Variants in ANKRD13A observed in about 807,000 individuals in gnomAD.
ANKRD13A encodes ankyrin repeat domain-containing protein 13A.
ANKRD13A carries 48 observed loss-of-function variants against 81.3 expected under a neutral mutation model. The observed-to-expected ratio is 0.59, with a 90% CI of 0.47 to 0.75. ANKRD13A has a LOEUF of 0.75. ANKRD13A is among the 30% of genes least tolerant of loss of function. The pLI is 0.00. For missense variants in ANKRD13A, 612 were observed against 734.0 expected (o/e 0.83, Z 1.92); for synonymous variants, 230 against 270.1 (o/e 0.85, Z 1.45).
At chr12:110,022,610 CT>C (rs1891139119) in intron 6 of ANKRD13A, 1 of 152,264 alleles carries the variant, frequency 6.6e-6, no homozygotes, top group South Asian at 2.1e-4. Flanking sequence ...ACGTAATCAT[CT>C]TTCCATCCAT....
intron 13 of ANKRD13A, 141 bp downstream of exon 13, chr12:110,034,098 T>A: frequency 1.1e-6 from 1 of 874,916 alleles, no homozygotes; most frequent in Non-Finnish European, 1.6e-6. Flanking sequence ...TTATACTTTG[T>A]GCATCTGGTC....
chr12:110,015,725 A>T (rs1212690606), intron 3 of ANKRD13A, among the ~76,000 whole-genome samples: 1 of 151,614 alleles, frequency 6.6e-6, no homozygotes, highest in African/African-American at 2.4e-5. Context: ...TTTTGTATTT[A>T]TAGTGGAGAT....
intron 1 of ANKRD13A, among the ~76,000 whole-genome samples, chr12:110,003,430 C>T (rs1178465054): frequency 6.6e-6 from 1 of 152,190 alleles, no homozygotes; most frequent in Non-Finnish European, 1.5e-5. Context: ...CCCCCTTGGT[C>T]ATCGGGGGTT....
intron 1 of ANKRD13A, among the ~76,000 whole-genome samples, chr12:110,010,539 C>T (rs747378598): frequency 2.0e-5 from 3 of 152,132 alleles, no homozygotes; most frequent in Non-Finnish European, 2.9e-5. Context: ...AATTCTCCAT[C>T]TCTTTGGTGC....
At chr12:110,008,874 G>A (rs553716623) in intron 1 of ANKRD13A, among the ~76,000 whole-genome samples, 1 of 152,204 alleles carries the variant, frequency 6.6e-6, no homozygotes, top group South Asian at 2.1e-4. Context: ...GACAGAGCGA[G>A]ACTCAGTCTG....
At chr12:110,021,425 C>CTTTTTTTTTTTTTTTTTTTTTT (rs59262099) in intron 6 of ANKRD13A, 1 of 129,928 alleles carries the variant, frequency 7.7e-6, no homozygotes, top group South Asian at 1.9e-4. Context: ...TTTTTTCTTT[C>CTTTTTTTTTTTTTTTTTTTTTT]TTTTTTTTTT....
At chr12:110,016,483 C>A (rs967798933) in intron 4 of ANKRD13A, 50 bp downstream of exon 4, 3 of 1,499,484 alleles carry the variant, frequency 2.0e-6, no homozygotes, top group Non-Finnish European at 1.8e-6. Context: ...ATTTACTTAG[C>A]CCGCATGTAG....
chr12:110,038,236 T>C lies in ANKRD13A; in HGVS notation c.*682T>C, dbSNP rs1892183049. The C allele has an allele frequency of 6.6e-6, 1 of 152,662 alleles. No individual in the cohort carries two copies. The highest frequency in any genetic ancestry group is 2.4e-5 in the African/African-American group (1 of 41,452). The allele number at this position is 152,662 out of a possible 1,614,324, so 9.5% of individuals were successfully genotyped here. On this transcript the variant is annotated 3_prime_UTR_variant, in exon 15 of 15. Transcript: ENST00000261739. ...TTGCCTTAGCCTTAAACATTACTAA[T>C]AGTTTCACATCACCTCACTGCACGC...
intron 9 of ANKRD13A, chr12:110,028,116 A>G (rs1022552416): frequency 5.0e-5 from 17 of 342,638 alleles, no homozygotes; most frequent in African/African-American, 3.2e-4. Context: ...CACAGTAACT[A>G]TATGAACTTG....
At position 110,028,492 on chromosome 12, in the gene ANKRD13A, C is replaced by T. The variant is rs1891472704; in HGVS notation, c.946-20C>T. 3.1e-6 allele frequency: 5 copies of T among 1,613,628 alleles called. No homozygotes were observed. Among genetic ancestry groups the T allele is most frequent in the Non-Finnish European group, 4.2e-6 (5 of 1,179,718 alleles). The stretch of plus-strand genomic sequence containing the variant: ...AACATCATTTGGCATTTCTGACTCT[C>T]CTGAGTTCTGGCTCAGCAGGACCTC... On this transcript the variant is annotated intron_variant, in intron 9 of 14. Coordinates refer to ENST00000261739, the MANE Select transcript of ANKRD13A (RefSeq NM_033121.2).
chr12:110,004,314 C>G (rs536456011), intron 1 of ANKRD13A, among the ~76,000 whole-genome samples: 1 of 152,138 alleles, frequency 6.6e-6, no homozygotes, highest in South Asian at 2.1e-4. Context: ...CCTAAATGAT[C>G]AGTTTCGAAA....
intron 6 of ANKRD13A, 31 bp from the exon 7 acceptor site, chr12:110,024,015 G>A (rs781317410): frequency 1.9e-6 from 3 of 1,602,070 alleles, no homozygotes; most frequent in Non-Finnish European, 2.6e-6. Flanking sequence ...TATTGTACAT[G>A]TAGAAATTTG....
rs1891552988 is a variant in ANKRD13A, at chr12:110,029,503, G to T, written c.1102G>T (p.Glu368Ter). The change falls in exon 11 of 15, where the codon GAA becomes TAA. Residue 368 changes from glutamate to a stop codon, truncating the protein, a stop_gained. Transcript: ENST00000261739. LOFTEE classifies it high-confidence loss of function. ...GTTTAAAGCAATGTTGTGGATGTGT[G>T]AAGAGTTTCCCCTCTCTCTGGTGGA... is the stretch of plus-strand genomic sequence containing the variant. Reference protein sequence around the residue: ...QKFKAMLWMCEEFPLSLVEQV... With the variant: ...QKFKAMLWMC 6.2e-7 allele frequency: 1 copy of T among 1,613,578 alleles called. No individual in the cohort carries two copies. The highest frequency in any genetic ancestry group is 1.7e-5 in the Admixed American group (1 of 59,990).
At chr12:110,012,942 G>T (rs1452632705) in intron 2 of ANKRD13A, among the ~76,000 whole-genome samples, 183 bp from the exon 3 acceptor site, 2 of 152,092 alleles carry the variant, frequency 1.3e-5, no homozygotes, top group African/African-American at 2.4e-5. Flanking sequence ...GGTGCTAAGG[G>T]TACTCTATGT....
At chr12:110,034,333 G>A (rs750378957) in intron 13 of ANKRD13A, among the ~76,000 whole-genome samples, 3 of 152,082 alleles carry the variant, frequency 2.0e-5, no homozygotes, top group Non-Finnish European at 2.9e-5. Context: ...GTAGTGAAGT[G>A]GATTTGAATC....
chr12:110,028,771 T>G (rs1341248278), intron 10 of ANKRD13A, 129 bp downstream of exon 10: 1 of 1,316,338 alleles, frequency 7.6e-7, no homozygotes. Context: ...GGAGTCTCGC[T>G]CTGTCGCCTA....
Position 110,018,581 on chromosome 12 carries a change from T to C in ANKRD13A, c.544+93T>C, listed in dbSNP as rs1890914619. On this transcript the variant is annotated intron_variant, in intron 5 of 14. Coordinates refer to ENST00000261739, the MANE Select transcript of ANKRD13A (RefSeq NM_033121.2). The surrounding 1 kb of genome is among the most constrained non-coding windows in gnomAD (Gnocchi z 4.4). ...TGCTTTCACATTCATGTGACTTTTCTGTCTGATCCTTCCTAGGGCATGTTT... is the reference window on the plus strand; with the variant it reads ...TGCTTTCACATTCATGTGACTTTTCCGTCTGATCCTTCCTAGGGCATGTTT... 3.5e-6 allele frequency: 5 copies of C among 1,449,176 alleles called. No individual in the cohort carries two copies. The highest frequency in any genetic ancestry group is 4.7e-6 in the Non-Finnish European group (5 of 1,055,480). The allele number at this position is 1,449,176 out of a possible 1,614,324, so 89.8% of individuals were successfully genotyped here.
intron 1 of ANKRD13A, among the ~76,000 whole-genome samples, chr12:110,007,058 AT>A (rs754000428): frequency 7.2e-5 from 11 of 152,172 alleles, no homozygotes; most frequent in Non-Finnish European, 1.6e-4. Flanking sequence ...ATTGACCTGT[AT>A]GTCTGTCCTT....
chr12:110,018,524 C>A lies in ANKRD13A; in HGVS notation c.544+36C>A. 1 of 1,598,058 alleles carries A rather than the reference C, an allele frequency of 6.3e-7. No individual in the cohort carries two copies. Among genetic ancestry groups the A allele is most frequent in the Non-Finnish European group, 8.6e-7 (1 of 1,168,922 alleles). ...TCTCTTGTAGTAATCACTGCTCAAG[C>A]AAAATTACAGGGTGATTTTTAACCA... On this transcript the variant is annotated intron_variant, in intron 5 of 14. Coordinates refer to ENST00000261739, the MANE Select transcript of ANKRD13A (RefSeq NM_033121.2). This position sits in a 1 kb window ranked among gnomAD's most constrained non-coding sequence, Gnocchi z 4.4.
Sources: allele counts gnomAD v4.1 joint callset (sites outside exome capture counted in the v4.1 genomes callset), GRCh38; gene constraint gnomAD v4.1.1; non-coding constraint Gnocchi (gnomAD v3.1); transcripts MANE v1.5; gene names NCBI Gene and HGNC (gene_info 2026-07-23, HGNC 2026-07-21).